LIN52: variants seen among roughly 807,000 people sequenced by gnomAD.
LIN52 encodes the protein protein lin-52 homolog.
Under a neutral mutation model 18.5 loss-of-function variants are expected in LIN52, and 4 were observed. That is an observed-to-expected ratio of 0.22 (90% CI 0.11 to 0.49). The LOEUF is 0.49. Ranked by LOEUF, LIN52 falls within the 20% of genes least tolerant of loss-of-function variation. The probability of loss-of-function intolerance (pLI) is 0.97; values close to 1 mark genes in which losing one functional copy is unlikely to be tolerated. For synonymous variants in LIN52, 34 were observed against 45.5 expected (o/e 0.75, Z 1.02); for missense variants, 102 against 139.5 (o/e 0.73, Z 1.35).
chr14:74,187,863 A>G (rs776853010), intron 5 of LIN52, among the ~76,000 whole-genome samples: 32 of 152,190 alleles, frequency 2.1e-4, no homozygotes, highest in Admixed American at 7.9e-4. Flanking sequence ...ACAATAACTC[A>G]GTAAGGTAGA....
In LIN52 at chr14:74,200,061, A is replaced by G; in HGVS notation, c.*1084A>G. ...TATGTGTTCTCCATATTTCTTGTAT[A>G]AGCCAGTCCCCAGCATCTGATGTTT... On this transcript the variant is annotated 3_prime_UTR_variant, in exon 6 of 6. Coordinates refer to ENST00000555028, the MANE Select transcript of LIN52 (RefSeq NM_001024674.3). 6.6e-6 allele frequency: 1 copy of G among 151,968 alleles called. No homozygotes were observed. Among genetic ancestry groups the G allele is most frequent in the East Asian group, 1.9e-4 (1 of 5,192 alleles). The allele number at this position is 151,968 out of a possible 1,614,324, so 9.4% of individuals were successfully genotyped here. A position where few individuals can be genotyped will look rare whatever the true frequency, so the allele number is the denominator to read the frequency against.
At chr14:74,197,699 C>T (rs1259661514) in intron 5 of LIN52, among the ~76,000 whole-genome samples, 5 of 152,160 alleles carry the variant, frequency 3.3e-5, no homozygotes, top group Non-Finnish European at 7.3e-5. Flanking sequence ...TTTGTTGGGG[C>T]ACAGGAACTA....
intron 5 of LIN52, among the ~76,000 whole-genome samples, chr14:74,107,742 A>G: frequency 6.6e-6 from 1 of 152,178 alleles, no homozygotes; most frequent in Non-Finnish European, 1.5e-5. Context: ...CTTACTAGCT[A>G]TCTTTGAAAT....
chr14:74,129,223 G>A (rs2061046789), intron 5 of LIN52, among the ~76,000 whole-genome samples: 1 of 152,188 alleles, frequency 6.6e-6, no homozygotes, highest in Non-Finnish European at 1.5e-5. Flanking sequence ...GTGAAAGCTA[G>A]TGGGAGAAGT....
intron 5 of LIN52, among the ~76,000 whole-genome samples, chr14:74,107,126 T>A (rs1348485866): frequency 6.6e-6 from 1 of 152,204 alleles, no homozygotes; most frequent in Non-Finnish European, 1.5e-5. Flanking sequence ...AGTTGGTGTT[T>A]TAGTGATGAG....
intron 5 of LIN52, among the ~76,000 whole-genome samples, chr14:74,131,908 TTAGAGA>T (rs1395635016): frequency 2.0e-5 from 3 of 152,168 alleles, no homozygotes; most frequent in African/African-American, 4.8e-5. Context: ...GGAAGGAATC[TTAGAGA>T]TAGAGTCACA....
chr14:74,133,918 G>A (rs1256054534), intron 5 of LIN52, among the ~76,000 whole-genome samples: 3 of 152,158 alleles, frequency 2.0e-5, no homozygotes, highest in African/African-American at 7.2e-5. Context: ...CAAGAAATCA[G>A]CATTTACACA....
intron 5 of LIN52, among the ~76,000 whole-genome samples, chr14:74,175,748 A>ACACACACACACACACACACACC (rs796441764): frequency 5.1e-5 from 5 of 98,738 alleles, no homozygotes; most frequent in Non-Finnish European, 7.3e-5. Context: ...ACACACACAC[A>ACACACACACACACACACACACC]CACCCCCATT....
chr14:74,198,837 T>C (rs1206320057), intron 5 of LIN52, 85 bp from the exon 6 acceptor site: 2 of 1,008,178 alleles, frequency 2.0e-6, no homozygotes, highest in African/African-American at 3.2e-5. Flanking sequence ...TTTAAATCAA[T>C]CTGCATTTTT....
At chr14:74,116,309 TAAAAAA>T (rs10591434) in intron 5 of LIN52, among the ~76,000 whole-genome samples, 26,043 of 131,640 alleles carry the variant, frequency 0.2, 2,687 homozygotes, top group East Asian at 0.6. Context: ...TCTCAAAAAA[TAAAAAA>T]TAAAAAAAAT....
chr14:74,104,823 G>A (rs555395183), intron 5 of LIN52, among the ~76,000 whole-genome samples: 1 of 152,140 alleles, frequency 6.6e-6, no homozygotes, highest in African/African-American at 2.4e-5. Flanking sequence ...CTTAACAAAT[G>A]ATGGGGAAAT....
intron 5 of LIN52, among the ~76,000 whole-genome samples, chr14:74,189,883 G>GTCC (rs2061356125): frequency 6.6e-6 from 1 of 152,086 alleles, no homozygotes; most frequent in South Asian, 2.1e-4. Flanking sequence ...TGCACATTGA[G>GTCC]TCCTGGCTTT....
rs2078936647 is a variant in LIN52, at chr14:74,199,911, A to G, written c.*934A>G. 6.6e-6 allele frequency: 1 copy of G among 152,252 alleles called. No individual in the cohort carries two copies. Among genetic ancestry groups the G allele is most frequent in the Admixed American group, 6.5e-5 (1 of 15,282 alleles). 9.4% of individuals were successfully genotyped at this position (152,252 alleles called of 1,614,324 possible). On this transcript the variant is annotated 3_prime_UTR_variant, in exon 6 of 6. Coordinates refer to ENST00000555028, the MANE Select transcript of LIN52 (RefSeq NM_001024674.3). ...ACAGCACATATGAAATAGTTCATCT[A>G]TATAATAGAAACGCACACACACGAA...
chr14:74,192,757 G>T, intron 5 of LIN52: 1 of 264,978 alleles, frequency 3.8e-6, no homozygotes, highest in South Asian at 4.7e-5. Context: ...TAATGAGACA[G>T]ACACACCTGC....
At chr14:74,140,091 C>T (rs192423098) in intron 5 of LIN52, among the ~76,000 whole-genome samples, 2 of 152,142 alleles carry the variant, frequency 1.3e-5, no homozygotes, top group African/African-American at 4.8e-5. Context: ...TCAGCAAAAA[C>T]ACAAAAATAG....
intron 5 of LIN52, among the ~76,000 whole-genome samples, chr14:74,136,013 A>G (rs993782741): frequency 1.3e-5 from 2 of 152,190 alleles, no homozygotes; most frequent in African/African-American, 4.8e-5. Flanking sequence ...TGCTAATGGT[A>G]TTCCTCATGG....
At chr14:74,170,790 G>C (rs1461621938) in intron 5 of LIN52, among the ~76,000 whole-genome samples, 1 of 151,480 alleles carries the variant, frequency 6.6e-6, no homozygotes, top group African/African-American at 2.4e-5. Flanking sequence ...ATAGAACCTT[G>C]ATATTGTGGG....
intron 5 of LIN52, among the ~76,000 whole-genome samples, chr14:74,110,289 C>G (rs772551731): frequency 2.0e-5 from 3 of 152,110 alleles, no homozygotes; most frequent in Non-Finnish European, 4.4e-5. Context: ...GAGAGGGATG[C>G]CAAGCGGGGA....
chr14:74,198,822 T>C (rs1000384017), intron 5 of LIN52, 100 bp from the exon 6 acceptor site: 3 of 903,138 alleles, frequency 3.3e-6, no homozygotes, highest in East Asian at 2.5e-5. Flanking sequence ...CAACTTGATA[T>C]ATAATTTAAA....
Sources: allele counts gnomAD v4.1 joint callset (sites outside exome capture counted in the v4.1 genomes callset), GRCh38; gene constraint gnomAD v4.1.1; transcripts MANE v1.5; gene names NCBI Gene and HGNC (gene_info 2026-07-23, HGNC 2026-07-21).